The following TACR1 variants were observed in gnomAD, a reference collection of about 807,000 sequenced individuals.
TACR1 encodes the protein substance-P receptor.
A neutral mutation model predicts 35.8 loss-of-function variants in TACR1; 25 were observed. The observed-to-expected ratio is 0.70, with a 90% confidence interval of 0.51 to 0.98. The LOEUF (loss-of-function observed/expected upper bound fraction) is 0.98, where lower values mean the gene tolerates loss of function less well. TACR1 is among the 50% of genes least tolerant of loss of function. The pLI is 0.00. For missense variants in TACR1, 478 were observed against 522.9 expected, an observed-to-expected ratio of 0.91 and a Z score of 0.84; for synonymous variants, 195 against 206.7, an observed-to-expected ratio of 0.94 and a Z score of 0.48.
chr2:75,163,789 G>T (rs115281807), intron 1 of TACR1, among the ~76,000 whole-genome samples: 4,499 of 152,170 alleles, frequency 0.03, 96 homozygotes, highest in African/African-American at 0.058. Flanking sequence ...AGAGTGATTT[G>T]TATCCCAATA....
chr2:75,097,234 A>G (rs1673440921), intron 2 of TACR1, among the ~76,000 whole-genome samples: 1 of 152,180 alleles, frequency 6.6e-6, no homozygotes, highest in South Asian at 2.1e-4. Flanking sequence ...AAGATAGCGA[A>G]GTGTTTTTTT....
chr2:75,051,444 C>A lies in TACR1; in HGVS notation c.739G>T (p.Val247Phe). ...CACACCACGACAATCATCATTTTGA[C>A]CACCTGGCAAGAGGGTGAGACAGGT... ...HEQVSAKRKVVKMMIVVVCTF... is the reference protein window; with the variant it reads ...HEQVSAKRKVFKMMIVVVCTF... The change falls in exon 4 of 5, where the codon GTC becomes TTC. Residue 247 changes from valine (V) to phenylalanine (F), a missense_variant. Val to Phe is a conservative substitution (Grantham distance 50, BLOSUM62 -1). Coordinates refer to ENST00000305249, the MANE Select transcript of TACR1 (RefSeq NM_001058.4). The A allele has an allele frequency of 6.2e-7, 1 of 1,613,836 alleles. No individual in the cohort carries two copies.
chr2:75,197,194 A>C (rs186012981), intron 1 of TACR1, among the ~76,000 whole-genome samples: 69 of 152,354 alleles, frequency 4.5e-4, no homozygotes, highest in African/African-American at 1.6e-3. Flanking sequence ...AGCACATAGG[A>C]GCTGCATATA....
At chr2:75,116,537 T>C (rs534476277) in intron 2 of TACR1, among the ~76,000 whole-genome samples, 106 of 152,312 alleles carry the variant, frequency 7.0e-4, no homozygotes, top group African/African-American at 2.4e-3. Flanking sequence ...TGAATGGGTT[T>C]TTTTTAGGGT....
In TACR1 at chr2:75,120,572, A is replaced by G. The variant is rs200706885; in HGVS notation, c.584+2T>C. On this transcript the variant is annotated splice_donor_variant, in intron 2 of 4. Coordinates refer to ENST00000305249, the MANE Select transcript of TACR1 (RefSeq NM_001058.4). LOFTEE classifies it high-confidence loss of function. ...TTGGCATGGGGAGTCATCTCTACTCACACTTTCTCATAAATCTTGTTCGGA... is the reference window on the plus strand; with the variant it reads ...TTGGCATGGGGAGTCATCTCTACTCGCACTTTCTCATAAATCTTGTTCGGA... The G allele has an allele frequency of 4.4e-6, 7 of 1,597,104 alleles. No homozygotes were observed. Among genetic ancestry groups the G allele is most frequent in the Non-Finnish European group, 6.0e-6 (7 of 1,168,584 alleles).
rs372643688 is a variant in TACR1, at chr2:75,047,016, T to C, written c.*2416A>G. 3.3e-5 allele frequency: 5 copies of C among 152,340 alleles called. No individual in the cohort carries two copies. Among genetic ancestry groups the C allele is most frequent in the South Asian group, 4.1e-4 (2 of 4,830 alleles). 9.4% of individuals were successfully genotyped at this position (152,340 alleles called of 1,614,324 possible). A position where few individuals can be genotyped will look rare whatever the true frequency, so the allele number is the denominator to read the frequency against. On this transcript the variant is annotated 3_prime_UTR_variant, in exon 5 of 5. Coordinates refer to ENST00000305249, the MANE Select transcript of TACR1 (RefSeq NM_001058.4). ...GGTGTTTCTTACATGTGGGAGTTGA[T>C]GACATTTTTATAAGTTAGTGGACAT...
intron 1 of TACR1, among the ~76,000 whole-genome samples, chr2:75,178,493 A>G (rs1054995426): frequency 2.2e-4 from 33 of 151,180 alleles, no homozygotes; most frequent in African/African-American, 8.0e-4. Flanking sequence ...CAATTTCCCC[A>G]TTCTTATTTC....
At chr2:75,068,241 G>A (rs1249805941) in intron 2 of TACR1, among the ~76,000 whole-genome samples, 1 of 152,166 alleles carries the variant, frequency 6.6e-6, no homozygotes, top group Non-Finnish European at 1.5e-5. Context: ...GTGGTCTTGA[G>A]GCAGAATTCC....
At chr2:75,144,076 A>T (rs1334019283) in intron 1 of TACR1, among the ~76,000 whole-genome samples, 1 of 152,210 alleles carries the variant, frequency 6.6e-6, no homozygotes, top group African/African-American at 2.4e-5. Flanking sequence ...AGTTTCCACG[A>T]TCATGGGGAA....
intron 1 of TACR1, among the ~76,000 whole-genome samples, chr2:75,150,376 A>T (rs1290118867): frequency 1.3e-5 from 2 of 152,146 alleles, no homozygotes; most frequent in African/African-American, 2.4e-5. Context: ...CATAATTTCC[A>T]TATGTTGGGA....
At chr2:75,065,851 A>T (rs1460824463) in intron 2 of TACR1, among the ~76,000 whole-genome samples, 2 of 152,186 alleles carry the variant, frequency 1.3e-5, no homozygotes, top group Admixed American at 1.3e-4. Flanking sequence ...CTGGAGTTTG[A>T]AAAAGCACTT....
chr2:75,118,224 A>C (rs1252124610), intron 2 of TACR1, among the ~76,000 whole-genome samples: 2 of 152,224 alleles, frequency 1.3e-5, no homozygotes, highest in South Asian at 2.1e-4. Context: ...AAATAATATA[A>C]TGTATTATGA....
At chr2:75,122,144 A>G (rs936694866) in intron 1 of TACR1, among the ~76,000 whole-genome samples, 1 of 152,152 alleles carries the variant, frequency 6.6e-6, no homozygotes, top group African/African-American at 2.4e-5. Flanking sequence ...CAGCAGTAGG[A>G]TAAGTGACCT....
At position 75,115,303 on chromosome 2, in the gene TACR1, C is replaced by G. The variant is rs566402721; in HGVS notation, c.584+5271G>C. On this transcript the variant is annotated intron_variant, in intron 2 of 4. Transcript: ENST00000305249. ...GAGATCCCATTCTCATTATTTTCCC[C>G]CATCAGATGGGTAAAAATCTAAAAG... 2.6e-5 allele frequency among the ~76,000 whole-genome samples: 4 copies of G among 152,134 alleles called. No individual in the cohort carries two copies. In the South Asian group the frequency reaches 8.3e-4, roughly 32 times the overall value.
chr2:75,194,397 A>T (rs1675919077), intron 1 of TACR1, among the ~76,000 whole-genome samples: 1 of 152,190 alleles, frequency 6.6e-6, no homozygotes, highest in African/African-American at 2.4e-5. Flanking sequence ...GGCCATCCGA[A>T]TTAGTGCAAA....
intron 1 of TACR1, among the ~76,000 whole-genome samples, chr2:75,178,256 C>T (rs1675476006): frequency 6.6e-6 from 1 of 151,948 alleles, no homozygotes; most frequent in South Asian, 2.1e-4. Flanking sequence ...GTCATCTCGG[C>T]TCACTGCAAC....
intron 2 of TACR1, 86 bp downstream of exon 2, chr2:75,120,488 A>G: frequency 7.8e-7 from 1 of 1,277,652 alleles, no homozygotes; most frequent in Non-Finnish European, 1.1e-6. Context: ...CAACAAAAGA[A>G]TATGGAAAGA....
chr2:75,155,506 T>C (rs1160867883), intron 1 of TACR1, among the ~76,000 whole-genome samples: 1 of 152,004 alleles, frequency 6.6e-6, no homozygotes, highest in East Asian at 1.9e-4. Flanking sequence ...CACCTGAGTA[T>C]CACCAGCTCT....
chr2:75,108,616 A>C (rs776917546), intron 2 of TACR1, among the ~76,000 whole-genome samples: 7 of 152,180 alleles, frequency 4.6e-5, no homozygotes, highest in Non-Finnish European at 1.0e-4. Flanking sequence ...ATTACTTAAT[A>C]CTGTGAAAGT....
Sources: gnomAD v4.1 joint callset for allele counts (sites outside exome capture counted in the v4.1 genomes callset) on GRCh38, gnomAD v4.1.1 for gene constraint, MANE v1.5 for transcripts, NCBI Gene and HGNC (gene_info 2026-07-23, HGNC 2026-07-21) for gene names.